Variants in CDKAL1 observed in about 807,000 individuals in gnomAD.
CDKAL1 encodes threonylcarbamoyladenosine tRNA methylthiotransferase.
A neutral mutation model predicts 68.2 loss-of-function variants in CDKAL1; 32 were observed. The observed-to-expected ratio is 0.47, with a 90% confidence interval of 0.35 to 0.63. The LOEUF is 0.63. Among genes scored for constraint, CDKAL1 ranks in the 30% least tolerant of loss-of-function variants. The pLI, the probability that CDKAL1 is intolerant of heterozygous loss-of-function variation, is 0.00. For synonymous variants in CDKAL1, 234 were observed against 244.3 expected (o/e 0.96, Z 0.39); for missense variants, 606 against 696.7 (o/e 0.87, Z 1.47).
At chr6:20,592,536 T>G (rs148862243) in intron 4 of CDKAL1, among the ~76,000 whole-genome samples, 6 of 151,750 alleles carry the variant, frequency 4.0e-5, no homozygotes, top group African/African-American at 1.4e-4. Flanking sequence ...TGGTGCAATT[T>G]CGGCCCACTG....
At chr6:20,871,326 T>C (rs1395002974) in intron 9 of CDKAL1, among the ~76,000 whole-genome samples, 4 of 152,188 alleles carry the variant, frequency 2.6e-5, no homozygotes, top group Non-Finnish European at 1.5e-5. Context: ...TATTTCAAGA[T>C]ACCTGAAATA....
chr6:20,906,057 A>G (rs1762216962), intron 9 of CDKAL1, among the ~76,000 whole-genome samples: 1 of 152,238 alleles, frequency 6.6e-6, no homozygotes, highest in Non-Finnish European at 1.5e-5. Context: ...TATTAAAGCT[A>G]GTAGTATCGT....
intron 3 of CDKAL1, among the ~76,000 whole-genome samples, chr6:20,547,487 A>G (rs923104991): frequency 1.3e-5 from 2 of 152,180 alleles, no homozygotes; most frequent in Non-Finnish European, 2.9e-5. Context: ...TATTTACGCT[A>G]TTATAGTAGA....
intron 8 of CDKAL1, among the ~76,000 whole-genome samples, chr6:20,820,122 AAAGT>A (rs1487392420): frequency 6.6e-6 from 1 of 152,112 alleles, no homozygotes; most frequent in Non-Finnish European, 1.5e-5. Flanking sequence ...AGAATTCTCT[AAAGT>A]AAGTGGAGGG....
chr6:20,732,101 A>AGT (rs58923475), intron 5 of CDKAL1, among the ~76,000 whole-genome samples: 8,540 of 152,032 alleles, frequency 0.056, 345 homozygotes, highest in African/African-American at 0.11. Flanking sequence ...GCTGGAGTGT[A>AGT]GTGGCACAGT....
chr6:20,925,965 T>C lies in CDKAL1; in HGVS notation c.743-29454T>C, dbSNP rs148495380. On this transcript the variant is annotated intron_variant, in intron 9 of 15. Coordinates refer to ENST00000274695, the MANE Select transcript of CDKAL1 (RefSeq NM_017774.3). The stretch of plus-strand genomic sequence containing the variant: ...CAACATATTTTTTCTATAAGATTTT[T>C]AGAAAAATAAATTGGTACATCTTTC... Among the ~76,000 whole-genome samples, 685 of 152,274 alleles carry C rather than the reference T, an allele frequency of 4.5e-3. 5 individuals carry two copies. The highest frequency in any genetic ancestry group is 0.013 in the African/African-American group (555 of 41,582).
intron 13 of CDKAL1, among the ~76,000 whole-genome samples, chr6:21,154,759 G>A (rs9366381): frequency 0.079 from 12,009 of 152,114 alleles, 649 homozygotes; most frequent in East Asian, 0.27. Context: ...GGAGTCCAAG[G>A]CAGGCAGATC....
intron 13 of CDKAL1, among the ~76,000 whole-genome samples, chr6:21,141,590 T>C (rs1432030350): frequency 2.6e-5 from 4 of 152,246 alleles, no homozygotes; most frequent in African/African-American, 9.6e-5. Context: ...TTAGTTCATT[T>C]GGCAGATATT....
At chr6:20,713,040 C>T (rs966987382) in intron 5 of CDKAL1, among the ~76,000 whole-genome samples, 8 of 151,636 alleles carry the variant, frequency 5.3e-5, no homozygotes, top group African/African-American at 1.7e-4. Flanking sequence ...GTAGTTCTTA[C>T]TTCTGTGAAA....
chr6:20,932,421 A>T (rs533285064), intron 9 of CDKAL1, among the ~76,000 whole-genome samples: 2 of 152,272 alleles, frequency 1.3e-5, no homozygotes, highest in East Asian at 3.9e-4. Flanking sequence ...TTTATTGGCA[A>T]TTCTGAAGCA....
At chr6:20,795,979 A>G (rs78690730) in intron 8 of CDKAL1, among the ~76,000 whole-genome samples, 3,977 of 152,246 alleles carry the variant, frequency 0.026, 131 homozygotes, top group African/African-American at 0.084. Flanking sequence ...TAGGCATGGC[A>G]TCTAAGGCTT....
chr6:20,938,034 C>A (rs559210748), intron 9 of CDKAL1, among the ~76,000 whole-genome samples: 3 of 152,226 alleles, frequency 2.0e-5, no homozygotes, highest in African/African-American at 7.2e-5. Context: ...CTTTTACATT[C>A]AGTAATTAAA....
At chr6:20,677,764 G>C (rs1421185784) in intron 5 of CDKAL1, among the ~76,000 whole-genome samples, 1 of 152,140 alleles carries the variant, frequency 6.6e-6, no homozygotes, top group East Asian at 1.9e-4. Context: ...TTACTGCTAA[G>C]TTTTAGTAAT....
At chr6:21,151,390 G>A (rs9460601) in intron 13 of CDKAL1, among the ~76,000 whole-genome samples, 38,568 of 152,090 alleles carry the variant, frequency 0.25, 5,281 homozygotes, top group African/African-American at 0.34. Context: ...TCGTGCATTC[G>A]CACAAAGGGT....
At chr6:21,144,000 A>C (rs1176775479) in intron 13 of CDKAL1, among the ~76,000 whole-genome samples, 1 of 151,848 alleles carries the variant, frequency 6.6e-6, no homozygotes, top group East Asian at 1.9e-4. Context: ...GGATGGTAAA[A>C]AAAAAACAGC....
At chr6:20,562,789 G>A (rs960350789) in intron 4 of CDKAL1, among the ~76,000 whole-genome samples, 8 of 151,876 alleles carry the variant, frequency 5.3e-5, no homozygotes, top group Admixed American at 4.6e-4. Context: ...AATCTTTCCC[G>A]GCAAATCATA....
chr6:21,012,886 T>A (rs1477856537), intron 11 of CDKAL1, among the ~76,000 whole-genome samples: 1 of 152,234 alleles, frequency 6.6e-6, no homozygotes, highest in Non-Finnish European at 1.5e-5. Flanking sequence ...GTGCAGACCA[T>A]CCTGCATTTT....
chr6:20,862,669 G>T (rs933414650), intron 9 of CDKAL1, among the ~76,000 whole-genome samples: 2 of 151,660 alleles, frequency 1.3e-5, no homozygotes, highest in Non-Finnish European at 2.9e-5. Flanking sequence ...GTGTGCGCGC[G>T]TGCATGCGCG....
At chr6:20,660,075 A>G (rs750948233) in intron 5 of CDKAL1, among the ~76,000 whole-genome samples, 1 of 152,116 alleles carries the variant, frequency 6.6e-6, no homozygotes, top group Non-Finnish European at 1.5e-5. Context: ...CTGGCTAAAT[A>G]GTTGATCTCT....
Sources: allele counts gnomAD v4.1 joint callset (sites outside exome capture counted in the v4.1 genomes callset), GRCh38; gene constraint gnomAD v4.1.1; transcripts MANE v1.5; gene names NCBI Gene and HGNC (gene_info 2026-07-23, HGNC 2026-07-21).